POP1: variants seen among roughly 807,000 people sequenced by gnomAD.
The protein encoded by POP1 is ribonucleases P/MRP protein subunit POP1.
In POP1, 75 loss-of-function variants were observed where a neutral mutation model predicts 102.2. The observed-to-expected ratio is 0.73, with a 90% CI of 0.61 to 0.89. POP1 has a LOEUF of 0.89. POP1 is among the 40% of genes least tolerant of loss of function. The pLI, the probability that POP1 is intolerant of heterozygous loss-of-function variation, is 0.00. For missense variants in POP1, 1,116 were observed against 1,267.4 expected, an observed-to-expected ratio of 0.88 and a Z score of 1.81; for synonymous variants, 436 against 464.1, an observed-to-expected ratio of 0.94 and a Z score of 0.78.
At chr8:98,153,771 T>G (rs1159690622) in intron 14 of POP1, among the ~76,000 whole-genome samples, 1 of 151,974 alleles carries the variant, frequency 6.6e-6, no homozygotes, top group African/African-American at 2.4e-5. Flanking sequence ...CTTTTGACCT[T>G]GTGATCTGCC....
chr8:98,144,325 G>A (rs950485578), intron 11 of POP1, among the ~76,000 whole-genome samples: 2 of 151,460 alleles, frequency 1.3e-5, no homozygotes, highest in Non-Finnish European at 2.9e-5. Flanking sequence ...GCCCAGACCC[G>A]AGTGCAGTGG....
At chr8:98,142,999 C>T (rs561268671) in intron 11 of POP1, among the ~76,000 whole-genome samples, 1 of 152,270 alleles carries the variant, frequency 6.6e-6, no homozygotes, top group Non-Finnish European at 1.5e-5. Flanking sequence ...AAGCCTTTTA[C>T]TGGTTACCTT....
chr8:98,148,218 G>A (rs1222945729), intron 12 of POP1, among the ~76,000 whole-genome samples: 2 of 152,210 alleles, frequency 1.3e-5, no homozygotes, highest in African/African-American at 2.4e-5. Context: ...CGTTCATGAG[G>A]TAGCAGTTAG....
At chr8:98,131,370 T>G (rs1365628673) in intron 5 of POP1, among the ~76,000 whole-genome samples, 1 of 152,248 alleles carries the variant, frequency 6.6e-6, no homozygotes. Context: ...TTTTTGTGAC[T>G]GGCTTATTTC....
Position 98,140,143 on chromosome 8 carries a change from C to A in POP1, c.1428C>A (p.Ser476Arg). 6.2e-7 allele frequency: 1 copy of A among 1,614,008 alleles called. No homozygotes were observed. ...WWIETCKKPDSVSLHCRQEAI... is the reference protein window; with the variant it reads ...WWIETCKKPDRVSLHCRQEAI... ...TAGAAACCTGTAAGAAACCTGACAG[C>A]GTTTCCCTTCATTGCAGACAAGAAG... The change falls in exon 10 of 16, where the codon AGC (serine) becomes AGA (arginine). Residue 476 changes from serine to arginine, a missense_variant. By Grantham distance (110) the Ser-to-Arg change is moderately radical (BLOSUM62 -1). Transcript: ENST00000401707.
chr8:98,128,315 A>G (rs1269199096), intron 3 of POP1, 50 bp from the exon 4 acceptor site: 11 of 1,577,126 alleles, frequency 7.0e-6, no homozygotes, highest in Non-Finnish European at 9.6e-6. Flanking sequence ...TTTATTCTCC[A>G]ATGTTAATTC....
Position 98,134,510 on chromosome 8 carries a change from C to T in POP1, c.862C>T (p.Arg288Cys), listed in dbSNP as rs180884178. ...AGCAGTTCACTGCTTGTCTGGAAAG[C>T]GCCAAGGGAGCCTTGTGCTTTATCG... ...FAAVHCLSGK[R>C]QGSLVLYRVN... Residue 288 changes from arginine to cysteine, a missense_variant, in exon 7 of 16, where the codon CGC becomes TGC. Physicochemically the swap from Arg to Cys is radical, Grantham distance 180 (BLOSUM62 -3). Coordinates refer to ENST00000401707, the MANE Select transcript of POP1 (RefSeq NM_001145860.2). 101 of 1,614,122 alleles carry T rather than the reference C, an allele frequency of 6.3e-5. No homozygotes were observed. The highest frequency in any genetic ancestry group is 5.7e-4 in the Admixed American group (34 of 60,010).
chr8:98,121,279 T>C (rs1816012299), intron 1 of POP1, among the ~76,000 whole-genome samples: 1 of 152,192 alleles, frequency 6.6e-6, no homozygotes, highest in African/African-American at 2.4e-5. Flanking sequence ...AGGTCTTGCA[T>C]TGGAAAAGGA....
At chr8:98,137,084 C>T (rs1390104130) in intron 9 of POP1, 130 bp downstream of exon 9, 1 of 782,884 alleles carries the variant, frequency 1.3e-6, no homozygotes, top group Non-Finnish European at 2.1e-6. Context: ...ACTTATTATG[C>T]TTATTATCAA....
At chr8:98,121,589 C>T (rs1233206443) in intron 1 of POP1, among the ~76,000 whole-genome samples, 3 of 146,588 alleles carry the variant, frequency 2.0e-5, no homozygotes, top group African/African-American at 7.7e-5. Context: ...ATCATCTCGG[C>T]TCAATGCAAC....
intron 14 of POP1, among the ~76,000 whole-genome samples, chr8:98,151,625 G>A (rs1809512834): frequency 6.6e-6 from 1 of 151,946 alleles, no homozygotes; most frequent in Admixed American, 6.6e-5. Context: ...GTTGTCTGAT[G>A]AATGACTGGT....
intron 9 of POP1, among the ~76,000 whole-genome samples, chr8:98,139,730 A>G (rs374789892): frequency 9.3e-5 from 14 of 151,076 alleles, no homozygotes; most frequent in African/African-American, 2.4e-4. Flanking sequence ...GACTGTGTCA[A>G]GAAAAAAAAG....
Position 98,129,918 on chromosome 8 carries a change from C to G in POP1, c.487-60C>G, listed in dbSNP as rs536958142. The stretch of plus-strand genomic sequence containing the variant: ...AAAGTTATTTGTTTGCATTCCTGAC[C>G]GTTAACTCTGTTTTGAGATTCTTAC... On this transcript the variant is annotated intron_variant, in intron 4 of 15. Coordinates refer to ENST00000401707, the MANE Select transcript of POP1 (RefSeq NM_001145860.2). The G allele has an allele frequency of 1.4e-5, 22 of 1,579,340 alleles. 1 individual carries two copies. The highest frequency in any genetic ancestry group is 2.2e-5 in the East Asian group (1 of 44,698).
rs1178522889 is a variant in POP1, at chr8:98,128,391, G to A, written c.337G>A (p.Ala113Thr). 6.2e-7 allele frequency: 1 copy of A among 1,614,006 alleles called. No individual in the cohort carries two copies. Among genetic ancestry groups the A allele is most frequent in the Non-Finnish European group, 8.5e-7 (1 of 1,180,034 alleles). The change falls in exon 4 of 16, where the codon GCT (alanine) becomes ACT (threonine). Residue 113 changes from alanine (A) to threonine (T), a missense_variant. Ala to Thr is a moderately conservative substitution (Grantham distance 58). Transcript: ENST00000401707. ...TTCTACTTTTGCTCAAGCACGAGCT[G>A]CTGAAATCAGTGCTATGTTAAAAGC... ...TASTFAQARAAEISAMLKAVT... is the reference protein window; with the variant it reads ...TASTFAQARATEISAMLKAVT...
intron 12 of POP1, among the ~76,000 whole-genome samples, chr8:98,148,207 G>A (rs1272607627): frequency 1.3e-5 from 2 of 152,218 alleles, no homozygotes; most frequent in African/African-American, 2.4e-5. Flanking sequence ...GGCTTGAAGA[G>A]CGTTCATGAG....
rs1317166676 is a variant in POP1 at position 98,134,461 on chromosome 8, G to A, written c.824-11G>A. 6.2e-7 allele frequency: 1 copy of A among 1,613,920 alleles called. No individual in the cohort carries two copies. The highest frequency in any genetic ancestry group is 2.2e-5 in the East Asian group (1 of 44,890). On this transcript the variant is annotated splice_polypyrimidine_tract_variant and intron_variant, in intron 6 of 15. Coordinates refer to ENST00000401707, the MANE Select transcript of POP1 (RefSeq NM_001145860.2). ...CCCGGAATTATGGAATTTTGCTTTT[G>A]TTGATGTCAGGGCTGACGTTTGCAG...
intron 11 of POP1, among the ~76,000 whole-genome samples, chr8:98,143,317 T>G (rs1339320824): frequency 1.3e-5 from 2 of 152,234 alleles, no homozygotes; most frequent in African/African-American, 4.8e-5. Flanking sequence ...GGCCTTCCCC[T>G]TAGCCTTCAG....
At chr8:98,128,146 T>G (rs1200962804) in intron 3 of POP1, among the ~76,000 whole-genome samples, 1 of 152,164 alleles carries the variant, frequency 6.6e-6, no homozygotes, top group African/African-American at 2.4e-5. Context: ...TCCAGGCCCT[T>G]TCCATCCTCT....
intron 11 of POP1, among the ~76,000 whole-genome samples, chr8:98,142,895 T>G (rs1473679932): frequency 6.6e-6 from 1 of 152,236 alleles, no homozygotes; most frequent in Non-Finnish European, 1.5e-5. Context: ...TGTTCTCTGC[T>G]TCCCCTGGGC....
Sources: allele counts gnomAD v4.1 joint callset (sites outside exome capture counted in the v4.1 genomes callset), GRCh38; gene constraint gnomAD v4.1.1; transcripts MANE v1.5; gene names NCBI Gene and HGNC (gene_info 2026-07-23, HGNC 2026-07-21).